The following PTPRT variants were observed in gnomAD, a reference collection of about 807,000 sequenced individuals.
PTPRT encodes the protein protein tyrosine phosphatase receptor type T.
Under a neutral mutation model 176.8 loss-of-function variants are expected in PTPRT, and 56 were observed. That is an observed-to-expected ratio of 0.32 (90% CI 0.26 to 0.40). The LOEUF (loss-of-function observed/expected upper bound fraction) is 0.40, where lower values mean the gene tolerates loss of function less well. Among genes scored for constraint, PTPRT ranks in the 10% least tolerant of loss-of-function variants. The pLI is 1.00. For missense variants in PTPRT, 1,540 were observed against 1,908.2 expected, an observed-to-expected ratio of 0.81 and a Z score of 3.60; for synonymous variants, 783 against 739.0, an observed-to-expected ratio of 1.06 and a Z score of -0.96.
In PTPRT at chr20:42,790,238, AC is replaced by A. The variant is rs375151585; in HGVS notation, c.486+956del. 1.1e-3 allele frequency among the ~76,000 whole-genome samples: 170 copies of A among 149,470 alleles called. 1 individual carries two copies. The highest frequency in any genetic ancestry group is 3.4e-3 in the Middle Eastern group (1 of 290). Reference sequence around the variant, plus strand: ...AATAACATTGTTAAAAAAAAAAAAAACAAAACTTTCAATGGCCCCAGGCCAA... The same window carrying A: ...AATAACATTGTTAAAAAAAAAAAAAAAAAACTTTCAATGGCCCCAGGCCAA... On this transcript the variant is annotated intron_variant, in intron 3 of 30. Coordinates refer to ENST00000373187, the MANE Select transcript of PTPRT (RefSeq NM_007050.6).
intron 1 of PTPRT, among the ~76,000 whole-genome samples, chr20:43,081,161 A>T (rs983113485): frequency 3.3e-5 from 5 of 152,254 alleles, no homozygotes; most frequent in African/African-American, 1.2e-4. Context: ...AGAAAATAAC[A>T]AGAGCAGCTT....
chr20:42,154,433 G>A lies in PTPRT; in HGVS notation c.2682+6919C>T, dbSNP rs1015802812. On this transcript the variant is annotated intron_variant, in intron 17 of 30. Coordinates refer to ENST00000373187, the MANE Select transcript of PTPRT (RefSeq NM_007050.6). ...CCCACAGATGACTAAGAACAAGATGGCAACACAGGCCTTCCCCACAAAAGC... is the reference window on the plus strand; with the variant it reads ...CCCACAGATGACTAAGAACAAGATGACAACACAGGCCTTCCCCACAAAAGC... Among the ~76,000 whole-genome samples the A allele has an allele frequency of 9.9e-5, 15 of 152,284 alleles. 1 individual carries two copies. Among genetic ancestry groups the A allele is most frequent in the African/African-American group, 3.6e-4 (15 of 41,580 alleles).
chr20:42,664,398 G>C (rs1293390256), intron 7 of PTPRT, among the ~76,000 whole-genome samples: 1 of 152,140 alleles, frequency 6.6e-6, no homozygotes, highest in Non-Finnish European at 1.5e-5. Context: ...GTAGTAAAAT[G>C]TGTAAACCAT....
chr20:43,072,236 AT>A (rs1418475792), intron 1 of PTPRT, among the ~76,000 whole-genome samples: 3 of 152,252 alleles, frequency 2.0e-5, no homozygotes, highest in Non-Finnish European at 4.4e-5. Context: ...CCTTATAGAC[AT>A]CATAGTCATG....
chr20:43,059,938 C>T (rs1379272275), intron 1 of PTPRT, among the ~76,000 whole-genome samples: 1 of 151,880 alleles, frequency 6.6e-6, no homozygotes, highest in Non-Finnish European at 1.5e-5. Flanking sequence ...GAGATTGTGC[C>T]ATTGTACTCC....
intron 7 of PTPRT, among the ~76,000 whole-genome samples, chr20:42,517,876 T>C (rs777768621): frequency 1.3e-5 from 2 of 152,028 alleles, no homozygotes; most frequent in African/African-American, 2.4e-5. Context: ...GATTCATTCC[T>C]AACAAATGGT....
chr20:42,687,030 A>G (rs1400256275), intron 6 of PTPRT, among the ~76,000 whole-genome samples: 5 of 152,220 alleles, frequency 3.3e-5, no homozygotes, highest in South Asian at 4.1e-4. Context: ...TAATTGCCAT[A>G]AAGATTATAT....
chr20:42,975,155 G>GT (rs1466932596), intron 1 of PTPRT, among the ~76,000 whole-genome samples: 1 of 152,038 alleles, frequency 6.6e-6, no homozygotes, highest in African/African-American at 2.4e-5. Flanking sequence ...AAAAAATGTT[G>GT]TTTTCCATTG....
At chr20:42,649,763 C>A (rs899253386) in intron 7 of PTPRT, among the ~76,000 whole-genome samples, 3 of 151,962 alleles carry the variant, frequency 2.0e-5, no homozygotes, top group African/African-American at 7.3e-5. Context: ...ACTTCTCTCT[C>A]ATGTTTGGAG....
chr20:42,394,309 T>C (rs1290293834), intron 9 of PTPRT, among the ~76,000 whole-genome samples: 1 of 152,154 alleles, frequency 6.6e-6, no homozygotes, highest in African/African-American at 2.4e-5. Flanking sequence ...TCAATCATGA[T>C]AACTATTTTC....
intron 15 of PTPRT, among the ~76,000 whole-genome samples, chr20:42,234,308 A>G (rs1168316319): frequency 2.6e-5 from 4 of 152,218 alleles, no homozygotes; most frequent in Non-Finnish European, 5.9e-5. Context: ...TTTATAATTA[A>G]GAGAAAAGAG....
chr20:42,946,102 G>A (rs77672562), intron 1 of PTPRT, among the ~76,000 whole-genome samples: 1 of 152,132 alleles, frequency 6.6e-6, no homozygotes. Flanking sequence ...TAGAGATGTC[G>A]AGTCAGAGAG....
At chr20:42,161,636 G>A in intron 16 of PTPRT, 94 bp from the exon 17 acceptor site, 2 of 1,292,324 alleles carry the variant, frequency 1.5e-6, no homozygotes, top group Non-Finnish European at 1.1e-6. Context: ...GGAGGGCAGA[G>A]GGAACCAACT....
rs549400797 is a variant in PTPRT, at chr20:42,343,450, G to A, written c.1865+7178C>T. Among the ~76,000 whole-genome samples, 9 of 152,246 alleles carry A rather than the reference G, an allele frequency of 5.9e-5. No homozygotes were observed. In the East Asian group the frequency reaches 1.2e-3, roughly 20 times the overall value. On this transcript the variant is annotated intron_variant, in intron 11 of 30. Transcript: ENST00000373187. ...ATGTCCATTTTACCTCTTACAAGTT[G>A]TATCTCATCGTCATAAGTACTCTAG...
At chr20:42,709,004 T>C (rs1600644336) in intron 6 of PTPRT, among the ~76,000 whole-genome samples, 1 of 151,980 alleles carries the variant, frequency 6.6e-6, no homozygotes. Context: ...CAGGTGGAGG[T>C]GTACAGAGAG....
intron 2 of PTPRT, among the ~76,000 whole-genome samples, chr20:42,827,565 G>A (rs916721407): frequency 6.6e-6 from 1 of 152,172 alleles, no homozygotes; most frequent in African/African-American, 2.4e-5. Flanking sequence ...GTGTTAAGAG[G>A]GAAATCTATA....
chr20:42,071,318 T>A (rs1409265257), downstream of PTPRT, among the ~76,000 whole-genome samples: 2 of 152,306 alleles, frequency 1.3e-5, no homozygotes, highest in Non-Finnish European at 1.5e-5. Context: ...ATAGAGGACA[T>A]ATGCATCCAA....
chr20:42,664,338 GA>G (rs986312516), intron 7 of PTPRT, among the ~76,000 whole-genome samples: 7 of 151,860 alleles, frequency 4.6e-5, no homozygotes, highest in African/African-American at 1.7e-4. Context: ...CCTGCTTTTT[GA>G]TTTTAGTTAA....
intron 9 of PTPRT, among the ~76,000 whole-genome samples, chr20:42,444,904 G>C (rs992776011): frequency 1.3e-5 from 2 of 152,132 alleles, no homozygotes; most frequent in African/African-American, 4.8e-5. Context: ...GTCTGGGGCT[G>C]GATTGGGTTG....
Sources: gnomAD v4.1 joint callset for allele counts (sites outside exome capture counted in the v4.1 genomes callset) on GRCh38, gnomAD v4.1.1 for gene constraint, MANE v1.5 for transcripts, NCBI Gene and HGNC (gene_info 2026-07-23, HGNC 2026-07-21) for gene names.